The following GRM5 variants were observed in gnomAD, a reference collection of about 807,000 sequenced individuals.
GRM5 encodes the protein metabotropic glutamate receptor 5.
GRM5 carries 19 observed loss-of-function variants against 83.1 expected under a neutral mutation model. The ratio of observed to expected loss-of-function variants is 0.23; its 90% confidence interval spans 0.16 to 0.34. The LOEUF (loss-of-function observed/expected upper bound fraction) is 0.34, where lower values mean the gene tolerates loss of function less well. GRM5 is among the 10% of genes least tolerant of loss of function. The pLI is 1.00. For synonymous variants in GRM5, 675 were observed against 633.6 expected (o/e 1.07, Z -0.98); for missense variants, 1,160 against 1,588.3 (o/e 0.73, Z 4.58).
chr11:88,960,487 C>T (rs1428365361), intron 2 of GRM5, among the ~76,000 whole-genome samples: 1 of 152,178 alleles, frequency 6.6e-6, no homozygotes, highest in Non-Finnish European at 1.5e-5. Context: ...TAGGAAGGAA[C>T]ATCCATTGCT....
rs147124982 is a variant in GRM5 at position 88,916,560 on chromosome 11, C to A, written c.662-66405G>T. 9.2e-3 allele frequency among the ~76,000 whole-genome samples: 1,404 copies of A among 152,116 alleles called. 17 individuals carry two copies. Among genetic ancestry groups the A allele is most frequent in the African/African-American group, 0.032 (1,325 of 41,466 alleles). On this transcript the variant is annotated intron_variant, in intron 2 of 9. Coordinates refer to ENST00000305447, the MANE Select transcript of GRM5 (RefSeq NM_001143831.3). ...ACCATGAGTTAAATTGCCCTGAGAT[C>A]CTAAATAAACTAGAAAGGCTGCCTA...
intron 7 of GRM5, among the ~76,000 whole-genome samples, chr11:88,572,628 C>T (rs1257850041): frequency 1.3e-5 from 2 of 152,106 alleles, no homozygotes; most frequent in East Asian, 3.8e-4. Context: ...TGAAATAATG[C>T]TAACCTCATT....
At chr11:88,757,763 C>T (rs2135434752) in intron 3 of GRM5, among the ~76,000 whole-genome samples, 1 of 152,276 alleles carries the variant, frequency 6.6e-6, no homozygotes, top group East Asian at 1.9e-4. Context: ...ACCATGCTAC[C>T]TCTGCCACTG....
chr11:88,866,435 G>A (rs2135556593), intron 2 of GRM5, among the ~76,000 whole-genome samples: 1 of 152,150 alleles, frequency 6.6e-6, no homozygotes, highest in African/African-American at 2.4e-5. Context: ...ATAGCATTAG[G>A]AGAAATACCT....
In GRM5 at chr11:88,660,961, A is replaced by T. The variant is rs574733127; in HGVS notation, c.912-7558T>A. Among the ~76,000 whole-genome samples, 5 of 152,314 alleles carry T rather than the reference A, an allele frequency of 3.3e-5. No homozygotes were observed. The South Asian group carries it at 1.0e-3, about 32-fold the overall frequency. On this transcript the variant is annotated intron_variant, in intron 3 of 9. Coordinates refer to ENST00000305447, the MANE Select transcript of GRM5 (RefSeq NM_001143831.3). Reference sequence around the variant, plus strand: ...GTTCCTTCTGCTCTGCTTCTAAAATACAGTGACATTCATTGCTTTATTCAC... The same window carrying T: ...GTTCCTTCTGCTCTGCTTCTAAAATTCAGTGACATTCATTGCTTTATTCAC...
chr11:88,598,184 C>T (rs1404030249), intron 5 of GRM5, among the ~76,000 whole-genome samples: 3 of 152,032 alleles, frequency 2.0e-5, no homozygotes, highest in Admixed American at 2.0e-4. Flanking sequence ...CTGTTTACCC[C>T]CTCAGGACTT....
At chr11:88,990,962 A>T (rs1214691308) in intron 2 of GRM5, among the ~76,000 whole-genome samples, 3 of 152,322 alleles carry the variant, frequency 2.0e-5, no homozygotes, top group South Asian at 2.1e-4. Flanking sequence ...CAAGACAGAG[A>T]TGCCCTCTCT....
intron 3 of GRM5, among the ~76,000 whole-genome samples, chr11:88,727,990 T>C (rs1387014139): frequency 6.6e-6 from 1 of 151,692 alleles, no homozygotes; most frequent in African/African-American, 2.4e-5. Context: ...AGCAAACAAA[T>C]TCAACAGCTA....
intron 8 of GRM5, among the ~76,000 whole-genome samples, chr11:88,540,098 T>G (rs1329242283): frequency 6.6e-6 from 1 of 152,204 alleles, no homozygotes; most frequent in African/African-American, 2.4e-5. Context: ...CAGTACTATT[T>G]ATCTAAATCT....
intron 3 of GRM5, among the ~76,000 whole-genome samples, chr11:88,655,918 C>CA (rs749342185): frequency 2.6e-5 from 4 of 151,798 alleles, no homozygotes; most frequent in Non-Finnish European, 4.4e-5. Flanking sequence ...ATGTTAATCC[C>CA]AAAAAAGACA....
chr11:88,970,388 G>A lies in GRM5; in HGVS notation c.661+76824C>T, dbSNP rs183421412. 4.6e-5 allele frequency among the ~76,000 whole-genome samples: 7 copies of A among 152,256 alleles called. 1 individual carries two copies. The East Asian group carries it at 1.4e-3, about 29-fold the overall frequency. ...CATCAGGCAAGAGTGAAGAGGTAGT[G>A]AAGGAGATATAGCTTCTTCTTAAAC... is the stretch of plus-strand genomic sequence containing the variant. On this transcript the variant is annotated intron_variant, in intron 2 of 9. Coordinates refer to ENST00000305447, the MANE Select transcript of GRM5 (RefSeq NM_001143831.3).
At position 88,584,545 on chromosome 11, in the gene GRM5, C is replaced by A. The variant is rs1454778005; in HGVS notation, c.1690+6056G>T. Among the ~76,000 whole-genome samples the A allele has an allele frequency of 2.0e-5, 3 of 152,176 alleles. No homozygotes were observed. In the South Asian group the frequency reaches 6.2e-4, roughly 32 times the overall value. On this transcript the variant is annotated intron_variant, in intron 7 of 9. Coordinates refer to ENST00000305447, the MANE Select transcript of GRM5 (RefSeq NM_001143831.3). Reference sequence around the variant, plus strand: ...GCCTCCTAAGTTTCCCAGGTTCAAGCGATTCTCCTGCCTCAGACTCCTGAG... The same window carrying A: ...GCCTCCTAAGTTTCCCAGGTTCAAGAGATTCTCCTGCCTCAGACTCCTGAG...
chr11:88,949,217 A>G (rs1012264899), intron 2 of GRM5, among the ~76,000 whole-genome samples: 32 of 152,206 alleles, frequency 2.1e-4, no homozygotes, highest in African/African-American at 7.0e-4. Context: ...GAGGGAGCCA[A>G]CTTTGTTTCA....
At chr11:88,560,775 A>G (rs978147979) in intron 8 of GRM5, among the ~76,000 whole-genome samples, 3 of 152,210 alleles carry the variant, frequency 2.0e-5, no homozygotes, top group African/African-American at 7.2e-5. Flanking sequence ...ACAGCATTAG[A>G]TAGTTGTGAA....
chr11:88,939,626 C>T (rs968331878), intron 2 of GRM5, among the ~76,000 whole-genome samples: 14 of 151,280 alleles, frequency 9.3e-5, no homozygotes, highest in African/African-American at 1.9e-4. Context: ...AACAGATAAG[C>T]GAACACAACA....
At chr11:88,613,922 C>G (rs190242821) in intron 4 of GRM5, among the ~76,000 whole-genome samples, 1 of 152,176 alleles carries the variant, frequency 6.6e-6, no homozygotes, top group Non-Finnish European at 1.5e-5. Context: ...ATCCATTTCC[C>G]AGGTCAGTCT....
chr11:88,796,528 A>G (rs1943277477), intron 3 of GRM5, among the ~76,000 whole-genome samples: 1 of 152,152 alleles, frequency 6.6e-6, no homozygotes, highest in African/African-American at 2.4e-5. Flanking sequence ...ATTTGACTTC[A>G]ATTCTGTATG....
chr11:88,676,909 C>T (rs1591433485), intron 3 of GRM5, among the ~76,000 whole-genome samples: 2 of 151,862 alleles, frequency 1.3e-5, no homozygotes, highest in South Asian at 2.1e-4. Context: ...TGAAATAACT[C>T]GGTAATTCAT....
chr11:88,713,969 T>C (rs1941342377), intron 3 of GRM5, among the ~76,000 whole-genome samples: 2 of 152,028 alleles, frequency 1.3e-5, no homozygotes, highest in Non-Finnish European at 1.5e-5. Context: ...ATTGACACTT[T>C]GTAAAATTTT....
Sources: allele counts gnomAD v4.1 joint callset (sites outside exome capture counted in the v4.1 genomes callset), GRCh38; gene constraint gnomAD v4.1.1; transcripts MANE v1.5; gene names NCBI Gene and HGNC (gene_info 2026-07-23, HGNC 2026-07-21).